The following MTERF3 variants were observed in gnomAD, a reference collection of about 807,000 sequenced individuals.
MTERF3 encodes transcription termination factor 3, mitochondrial.
In MTERF3, 40 loss-of-function variants were observed where a neutral mutation model predicts 40.5. The ratio of observed to expected loss-of-function variants is 0.99; its 90% CI spans 0.77 to 1.29. The LOEUF (loss-of-function observed/expected upper bound fraction) is 1.29. Among genes scored for constraint, MTERF3 ranks in the 50% most tolerant of loss-of-function variants. The pLI is 0.00. For missense variants in MTERF3, 452 were observed against 478.2 expected (o/e 0.95, Z 0.51); for synonymous variants, 158 against 166.6 (o/e 0.95, Z 0.40).
In MTERF3 at chr8:96,259,915, T is replaced by TA. The variant is rs1250608193; in HGVS notation, c.-10-1216_-10-1215insT. 1.9e-3 allele frequency among the ~76,000 whole-genome samples: 259 copies of TA among 138,878 alleles called. 1 individual carries two copies. Among genetic ancestry groups the TA allele is most frequent in the Admixed American group, 5.2e-3 (74 of 14,314 alleles). The allele number at this position is 138,878 out of a possible 152,430, so 91.1% of individuals were successfully genotyped here. ...TATTTATTATTATTATTATTATTATTTTTTTTGAGACGGAGTTTCGCCCTT... is the reference window on the plus strand; with the variant it reads ...TATTTATTATTATTATTATTATTATTATTTTTTGAGACGGAGTTTCGCCCTT... On this transcript the variant is annotated intron_variant, in intron 1 of 7. Transcript: ENST00000287025.
chr8:96,250,303 C>CTCCTCCTAAAAATACAAAAATT (rs1418600069), intron 4 of MTERF3, among the ~76,000 whole-genome samples: 1 of 147,840 alleles, frequency 6.8e-6, no homozygotes, highest in Non-Finnish European at 1.5e-5. Flanking sequence ...AGTGCACTCT[C>CTCCTCCTAAAAATACAAAAATT]AGATAAGTTA....
intron 1 of MTERF3, among the ~76,000 whole-genome samples, chr8:96,260,504 C>G (rs565423651): frequency 6.6e-6 from 1 of 152,174 alleles, no homozygotes; most frequent in East Asian, 1.9e-4. Context: ...TTTTAAAAGG[C>G]TAGGGGTACA....
chr8:96,258,740 T>A, intron 1 of MTERF3, 40 bp from the exon 2 acceptor site: 1 of 1,402,776 alleles, frequency 7.1e-7, no homozygotes, highest in African/African-American at 1.4e-5. Context: ...AAGAGAAATT[T>A]AATTTACTTA....
chr8:96,251,502 T>A (rs2129923466), intron 3 of MTERF3, among the ~76,000 whole-genome samples: 1 of 152,330 alleles, frequency 6.6e-6, no homozygotes, highest in East Asian at 1.9e-4. Flanking sequence ...GATTTTATTT[T>A]TCCTTAGTTA....
At position 96,239,405 on chromosome 8, in the gene MTERF3, G is replaced by T. The variant is rs910358599; in HGVS notation, c.*86C>A. Reference sequence around the variant, plus strand: ...CAGTATCAAATGGTTTCCAATATCAGTTGAGACCCGAGGCATTTAAAAATA... The same window carrying T: ...CAGTATCAAATGGTTTCCAATATCATTTGAGACCCGAGGCATTTAAAAATA... On this transcript the variant is annotated 3_prime_UTR_variant, in exon 8 of 8. Transcript: ENST00000287025. The T allele has an allele frequency of 4.6e-6, 5 of 1,084,222 alleles. No homozygotes were observed. The highest frequency in any genetic ancestry group is 6.4e-6 in the Non-Finnish European group (5 of 780,936). 67.2% of individuals were successfully genotyped at this position (1,084,222 alleles called of 1,614,324 possible).
rs1810139165 is a variant in MTERF3 at position 96,250,630 on chromosome 8, A to AAGAAGAAGAAGG, written c.677+275_677+276insCCTTCTTCTTCT. Among the ~76,000 whole-genome samples, 4 of 23,132 alleles carry AAGAAGAAGAAGG rather than the reference A, an allele frequency of 1.7e-4. 2 individuals carry two copies. The highest frequency in any genetic ancestry group is 1.4e-3 in the East Asian group (2 of 1,422). 15.2% of individuals were successfully genotyped at this position (23,132 alleles called of 152,430 possible). A position where few individuals can be genotyped will look rare whatever the true frequency, so the allele number is the denominator to read the frequency against. On this transcript the variant is annotated intron_variant, in intron 4 of 7. Transcript: ENST00000287025. Reference sequence around the variant, plus strand: ...GAGGCTGAGGCAGAAGAAGAAGAAGAAGAAGAAGAAGAAGAAGAAGAAGAA... The same window carrying AAGAAGAAGAAGG: ...GAGGCTGAGGCAGAAGAAGAAGAAGAAGAAGAAGAAGGAGAAGAAGAAGAAGAAGAAGAAGAA...
chr8:96,254,423 T>A (rs1196847793), intron 3 of MTERF3, among the ~76,000 whole-genome samples: 2 of 152,062 alleles, frequency 1.3e-5, no homozygotes, highest in Non-Finnish European at 2.9e-5. Flanking sequence ...AACTCCCCAT[T>A]CCTCCCCACC....
At chr8:96,252,791 G>C (rs1393141545) in intron 3 of MTERF3, among the ~76,000 whole-genome samples, 2 of 152,216 alleles carry the variant, frequency 1.3e-5, no homozygotes, top group Non-Finnish European at 2.9e-5. Flanking sequence ...GACATGAACT[G>C]AAGTGCTTTG....
At chr8:96,250,656 GAAGAAGAAGAAGAAGA>G (rs1810148083) in intron 4 of MTERF3, among the ~76,000 whole-genome samples, 3 of 29,234 alleles carry the variant, frequency 1.0e-4, no homozygotes, top group African/African-American at 3.9e-4. Flanking sequence ...AGAAGAAGAA[GAAGAAGAAGAAGAAGA>G]AGAAGAAGAA....
At chr8:96,251,892 T>C (rs889509794) in intron 3 of MTERF3, among the ~76,000 whole-genome samples, 1 of 152,198 alleles carries the variant, frequency 6.6e-6, no homozygotes, top group African/African-American at 2.4e-5. Context: ...CACAATGATA[T>C]GGTTAGGCTG....
intron 7 of MTERF3, among the ~76,000 whole-genome samples, chr8:96,240,997 T>C (rs749918891): frequency 5.3e-5 from 8 of 152,240 alleles, no homozygotes; most frequent in Non-Finnish European, 1.2e-4. Flanking sequence ...TCTGCTATTC[T>C]GCCCTTGTTC....
chr8:96,246,376 G>A lies in MTERF3; in HGVS notation c.756C>T (p.Asn252=). Residue 252 remains asparagine, a synonymous_variant, in exon 5 of 8, where the codon AAC becomes AAT. Coordinates refer to ENST00000287025, the MANE Select transcript of MTERF3 (RefSeq NM_015942.5). ...TGTTATCCAGTCTTTCCACTGAAAAGTTCAGCAAAAATGGTGCTTTTCTGA... is the reference window on the plus strand; with the variant it reads ...TGTTATCCAGTCTTTCCACTGAAAAATTCAGCAAAAATGGTGCTTTTCTGA... The part of the protein sequence containing the change: ...QMVRKAPFLL[N]FSVERLDNRL... 6.2e-7 allele frequency: 1 copy of A among 1,612,768 alleles called. No individual in the cohort carries two copies. The highest frequency in any genetic ancestry group is 8.5e-7 in the Non-Finnish European group (1 of 1,179,702).
In MTERF3 at chr8:96,243,934, A is replaced by G; in HGVS notation, c.1044T>C (p.Ile348=). Residue 348 remains isoleucine (I), a synonymous_variant, in exon 7 of 8, where the codon ATT becomes ATC. Coordinates refer to ENST00000287025, the MANE Select transcript of MTERF3 (RefSeq NM_015942.5). The stretch of plus-strand genomic sequence containing the variant: ...GTGGCATTACCTGTGGGAACTTGAC[A>G]ATGATGTGGTGGGGAATGCTCATCA... ...HNVMSIPHHI[I]VKFPQVFNTR... is the part of the protein sequence containing the mutation. 2 of 1,613,892 alleles carry G rather than the reference A, an allele frequency of 1.2e-6. No homozygotes were observed. The highest frequency in any genetic ancestry group is 1.1e-5 in the South Asian group (1 of 90,978).
At chr8:96,252,447 T>A (rs888062096) in intron 3 of MTERF3, among the ~76,000 whole-genome samples, 3 of 152,038 alleles carry the variant, frequency 2.0e-5, no homozygotes, top group African/African-American at 7.2e-5. Context: ...ACAAAAAAAA[T>A]TACGTTTAAC....
chr8:96,252,821 C>G (rs2129928441), intron 3 of MTERF3, among the ~76,000 whole-genome samples: 1 of 152,292 alleles, frequency 6.6e-6, no homozygotes, highest in East Asian at 1.9e-4. Flanking sequence ...AGCTGTCACA[C>G]CCTGACTGTG....
chr8:96,247,313 A>AT (rs1810040180), intron 4 of MTERF3, among the ~76,000 whole-genome samples: 1 of 152,160 alleles, frequency 6.6e-6, no homozygotes, highest in Non-Finnish European at 1.5e-5. Context: ...CAGTCTTTCA[A>AT]TATGTATTTT....
chr8:96,259,305 A>C (rs566319532), intron 1 of MTERF3, among the ~76,000 whole-genome samples: 1 of 152,322 alleles, frequency 6.6e-6, no homozygotes, highest in Non-Finnish European at 1.5e-5. Context: ...ATTACTTCAC[A>C]GATAAAGCTG....
chr8:96,250,404 T>G (rs577790962), intron 4 of MTERF3, among the ~76,000 whole-genome samples: 3 of 146,808 alleles, frequency 2.0e-5, no homozygotes, highest in African/African-American at 7.4e-5. Context: ...CAGTAATAAG[T>G]TGAAAACATA....
chr8:96,247,040 T>G (rs1586165406), intron 4 of MTERF3, among the ~76,000 whole-genome samples: 1 of 152,282 alleles, frequency 6.6e-6, no homozygotes, highest in East Asian at 1.9e-4. Context: ...TGGCATGATC[T>G]GGGCTCAATG....
Sources: allele counts gnomAD v4.1 joint callset (sites outside exome capture counted in the v4.1 genomes callset), GRCh38; gene constraint gnomAD v4.1.1; transcripts MANE v1.5; gene names NCBI Gene and HGNC (gene_info 2026-07-23, HGNC 2026-07-21).